POU2F1: variants seen among roughly 807,000 people sequenced by gnomAD.
POU2F1 encodes the protein POU class 2 homeobox 1, also known as POU domain, class 2, transcription factor 1.
POU2F1 carries 16 observed loss-of-function variants against 84.9 expected under a neutral mutation model. The observed-to-expected ratio is 0.19, with a 90% confidence interval of 0.13 to 0.29. The LOEUF (loss-of-function observed/expected upper bound fraction) is 0.29, where lower values mean the gene tolerates loss of function less well. POU2F1 is among the 10% of genes least tolerant of loss of function. POU2F1 has a pLI of 1.00. For synonymous variants in POU2F1, 368 were observed against 368.3 expected (o/e 1.00, Z 0.01); for missense variants, 738 against 942.6 (o/e 0.78, Z 2.84).
intron 1 of POU2F1, among the ~76,000 whole-genome samples, chr1:167,330,846 T>C (rs892046088): frequency 2.6e-5 from 4 of 152,112 alleles, no homozygotes; most frequent in Admixed American, 1.3e-4. Context: ...AAACTGTTAC[T>C]CTTTTTATGA....
chr1:167,285,846 A>G (rs1251683380), intron 1 of POU2F1, among the ~76,000 whole-genome samples: 1 of 152,218 alleles, frequency 6.6e-6, no homozygotes, highest in Non-Finnish European at 1.5e-5. Context: ...AGTAAGCTTC[A>G]TGGAAGAAGT....
At chr1:167,343,199 G>A (rs1657971855) in intron 2 of POU2F1, among the ~76,000 whole-genome samples, 2 of 152,142 alleles carry the variant, frequency 1.3e-5, no homozygotes, top group Non-Finnish European at 2.9e-5. Context: ...TACTGAAGCT[G>A]TGCGAATAGG....
chr1:167,280,313 A>ATTTGAT (rs1553201686), intron 1 of POU2F1, among the ~76,000 whole-genome samples: 1 of 145,388 alleles, frequency 6.9e-6, no homozygotes, highest in African/African-American at 2.5e-5. Flanking sequence ...TTTGAGCTTG[A>ATTTGAT]TTTTTTTTTT....
rs1650942273 is a variant in POU2F1, at chr1:167,426,269, T to C, written c.*10459T>C. 6.6e-6 allele frequency: 1 copy of C among 152,198 alleles called. No individual in the cohort carries two copies. Among genetic ancestry groups the C allele is most frequent in the African/African-American group, 2.4e-5 (1 of 41,444 alleles). The allele number at this position is 152,198 out of a possible 1,614,324, so 9.4% of individuals were successfully genotyped here. ...AAAATGTCGTTTAACTTCTTGTTTGTTTCAGTGTAATGCTCTTAAAGTCAT... is the reference window on the plus strand; with the variant it reads ...AAAATGTCGTTTAACTTCTTGTTTGCTTCAGTGTAATGCTCTTAAAGTCAT... On this transcript the variant is annotated 3_prime_UTR_variant, in exon 16 of 16. Transcript: ENST00000367866.
intron 1 of POU2F1, among the ~76,000 whole-genome samples, chr1:167,299,405 T>C (rs1654504323): frequency 6.6e-6 from 1 of 152,186 alleles, no homozygotes; most frequent in African/African-American, 2.4e-5. Flanking sequence ...ATTTAATATG[T>C]TGAAAAAATT....
intron 15 of POU2F1, 59 bp downstream of exon 15, chr1:167,413,173 G>A: frequency 7.5e-7 from 1 of 1,337,974 alleles, no homozygotes; most frequent in South Asian, 1.2e-5. Flanking sequence ...GTGTGTGTGT[G>A]TGTGTGTGTG....
At chr1:167,314,188 ACT>A (rs1655710125) in intron 1 of POU2F1, among the ~76,000 whole-genome samples, 2 of 148,900 alleles carry the variant, frequency 1.3e-5, no homozygotes, top group African/African-American at 2.5e-5. Context: ...ACAGAGCAAG[ACT>A]CTGTCTCAGA....
chr1:167,363,290 G>C (rs1246527340), intron 2 of POU2F1, among the ~76,000 whole-genome samples: 2 of 152,128 alleles, frequency 1.3e-5, no homozygotes, highest in Admixed American at 1.3e-4. Flanking sequence ...TTAAGTGCTT[G>C]TCTCGGTTTT....
At chr1:167,267,754 G>T (rs1652080697) in intron 1 of POU2F1, among the ~76,000 whole-genome samples, 1 of 143,528 alleles carries the variant, frequency 7.0e-6, no homozygotes, top group Admixed American at 7.7e-5. Context: ...CCATTCTCCT[G>T]CTTCAGCCTC....
chr1:167,259,144 A>G (rs1651365310), intron 1 of POU2F1, among the ~76,000 whole-genome samples: 1 of 152,182 alleles, frequency 6.6e-6, no homozygotes, highest in South Asian at 2.1e-4. Context: ...TCTGCTTCAC[A>G]TGGTTTTATC....
intron 2 of POU2F1, among the ~76,000 whole-genome samples, chr1:167,342,979 T>C (rs1164965398): frequency 6.6e-6 from 1 of 151,800 alleles, no homozygotes. Context: ...AGGATCTTGG[T>C]GGTTTAGAAG....
rs543598697 is a variant in POU2F1, at chr1:167,295,239, T to G, written c.62-37231T>G. Among the ~76,000 whole-genome samples the G allele has an allele frequency of 4.1e-4, 63 of 152,294 alleles. No individual in the cohort carries two copies. In the South Asian group the frequency reaches 7.9e-3, roughly 19 times the overall value. On this transcript the variant is annotated intron_variant, in intron 1 of 15. Coordinates refer to ENST00000367866, the MANE Select transcript of POU2F1 (RefSeq NM_002697.4). ...AAGACGCCTACACATGCATGTTTAT[T>G]GCAGCCCAATTCACAGTTGCAAAGA...
chr1:167,285,387 G>A (rs1164240372), intron 1 of POU2F1, among the ~76,000 whole-genome samples: 1 of 152,124 alleles, frequency 6.6e-6, no homozygotes, highest in Non-Finnish European at 1.5e-5. Flanking sequence ...AGTGGATCAC[G>A]AGGTCAGGAG....
intron 1 of POU2F1, among the ~76,000 whole-genome samples, chr1:167,314,625 T>C (rs1490851727): frequency 2.0e-5 from 3 of 151,734 alleles, no homozygotes; most frequent in African/African-American, 7.3e-5. Context: ...AAAATAAAAA[T>C]AAGCCGGGCA....
intron 1 of POU2F1, 58 bp downstream of exon 1, chr1:167,221,016 C>G (rs1459886797): frequency 3.6e-6 from 5 of 1,393,576 alleles, no homozygotes; most frequent in Non-Finnish European, 3.9e-6. Flanking sequence ...CTCCCGCTGC[C>G]CCCCCCCGCG....
At position 167,389,623 on chromosome 1, in the gene POU2F1, A is replaced by G. The variant is rs1648245904; in HGVS notation, c.849A>G (p.Pro283=). ...ATPTRTIAAT[P]IQTLPQSQST... ...CAACACGCACAATAGCAGCAACCCC[A>G]ATTCAGACACTTCCACAGAGCCAGT... is the stretch of plus-strand genomic sequence containing the variant. The change falls in exon 9 of 16, where the codon CCA becomes CCG. Residue 283 remains proline, a synonymous_variant. Transcript: ENST00000367866. 1.2e-6 allele frequency: 2 copies of G among 1,614,078 alleles called. No homozygotes were observed. The highest frequency in any genetic ancestry group is 1.7e-6 in the Non-Finnish European group (2 of 1,180,048).
chr1:167,282,727 A>G (rs969817714), intron 1 of POU2F1, among the ~76,000 whole-genome samples: 2 of 151,718 alleles, frequency 1.3e-5, no homozygotes, highest in Non-Finnish European at 2.9e-5. Context: ...CCTTGTTTCT[A>G]CTTCTCAGGG....
chr1:167,257,696 A>C (rs565280168), intron 1 of POU2F1: 1 of 152,198 alleles, frequency 6.6e-6, no homozygotes, highest in South Asian at 2.1e-4. Context: ...ATAATGGCCA[A>C]CATTTAATGA....
At chr1:167,378,487 A>T (rs1571402773) in intron 7 of POU2F1, among the ~76,000 whole-genome samples, 1 of 148,418 alleles carries the variant, frequency 6.7e-6, no homozygotes. Context: ...GCTCACTGCA[A>T]CCTCTACCTC....
Sources: allele counts gnomAD v4.1 joint callset (sites outside exome capture counted in the v4.1 genomes callset), GRCh38; gene constraint gnomAD v4.1.1; transcripts MANE v1.5; gene names NCBI Gene and HGNC (gene_info 2026-07-23, HGNC 2026-07-21).